The following SYNE2 variants were observed in gnomAD, a reference collection of about 807,000 sequenced individuals.
SYNE2 encodes the protein nesprin-2.
In SYNE2, 431 loss-of-function variants were observed where a neutral mutation model predicts 856.3. That is an observed-to-expected ratio of 0.50 (90% CI 0.47 to 0.55). The LOEUF is 0.55. Ranked by LOEUF, SYNE2 falls within the 20% of genes least tolerant of loss-of-function variation. The pLI is 0.00. For missense variants in SYNE2, 8,129 were observed against 8,023.2 expected, an observed-to-expected ratio of 1.01 and a Z score of -0.50; for synonymous variants, 2,923 against 2,872.3, an observed-to-expected ratio of 1.02 and a Z score of -0.56.
At chr14:63,944,106 AATT>A (rs2095974286) in intron 6 of SYNE2, among the ~76,000 whole-genome samples, 3 of 151,330 alleles carry the variant, frequency 2.0e-5, no homozygotes, top group Non-Finnish European at 2.9e-5. Flanking sequence ...TAGATAATAA[AATT>A]ATCTGTAATC....
rs111806886 is a variant in SYNE2, at chr14:63,777,495, A to G, written c.-305+15509A>G. On this transcript the variant is annotated intron_variant, in intron 1 of 23. Transcript: ENST00000674003. ...GGCTGCAGTGAGCAGCCTAGGTGAC[A>G]GAGCAAGACCCTGCCTCAAACAAAA... 1.3e-3 allele frequency among the ~76,000 whole-genome samples: 202 copies of G among 152,056 alleles called. 2 individuals are homozygous for G. Among genetic ancestry groups the G allele is most frequent in the African/African-American group, 4.6e-3 (191 of 41,568 alleles).
At position 64,109,251 on chromosome 14, in the gene SYNE2, A is replaced by G. The variant is rs188240367; in HGVS notation, c.12609+1644A>G. 2.6e-4 allele frequency among the ~76,000 whole-genome samples: 40 copies of G among 151,100 alleles called. No homozygotes were observed. The East Asian group carries it at 7.5e-3, about 28-fold the overall frequency. ...AACCTCTAGGGTCTTTTCCCTGGCC[A>G]TGTGGATACTAGATAATGATGACAA... On this transcript the variant is annotated intron_variant, in intron 65 of 115. Coordinates refer to ENST00000555002, the MANE Select transcript of SYNE2 (RefSeq NM_182914.3).
chr14:63,892,934 C>T (rs1302968890), intron 1 of SYNE2, among the ~76,000 whole-genome samples: 1 of 151,700 alleles, frequency 6.6e-6, no homozygotes, highest in Non-Finnish European at 1.5e-5. Flanking sequence ...AAGATGATCA[C>T]AACAAATACA....
In SYNE2 at chr14:63,797,560, GC is replaced by G. The variant is rs777303895; in HGVS notation, c.-305+35576del. On this transcript the variant is annotated intron_variant, in intron 1 of 23. Coordinates refer to the SYNE2 transcript ENST00000674003. Reference sequence around the variant, plus strand: ...GGGTTCAAGCAATTCTCCTGTCTCAGCCTTCTGAGTAGCTGGGATTACAGGC... The same window carrying G: ...GGGTTCAAGCAATTCTCCTGTCTCAGCTTCTGAGTAGCTGGGATTACAGGC... 1.3e-3 allele frequency among the ~76,000 whole-genome samples: 195 copies of G among 152,066 alleles called. 1 individual carries two copies. Among genetic ancestry groups the G allele is most frequent in the Admixed American group, 3.2e-3 (49 of 15,260 alleles).
At chr14:64,203,450 T>TG (rs1486467006) in intron 100 of SYNE2, among the ~76,000 whole-genome samples, 2 of 152,228 alleles carry the variant, frequency 1.3e-5, no homozygotes, top group African/African-American at 4.8e-5. Flanking sequence ...TGCAATGCTC[T>TG]GTGCATTTTT....
chr14:64,037,125 T>C (rs894506273), intron 45 of SYNE2, among the ~76,000 whole-genome samples: 8 of 151,012 alleles, frequency 5.3e-5, no homozygotes, highest in Admixed American at 1.3e-4. Flanking sequence ...ACAGAAATAC[T>C]GTCTCCTCTT....
At chr14:64,170,731 G>A (rs2098406718) in intron 94 of SYNE2, among the ~76,000 whole-genome samples, 1 of 151,952 alleles carries the variant, frequency 6.6e-6, no homozygotes, top group Admixed American at 6.6e-5. Context: ...GAATAAATTG[G>A]GGGAGGTTTA....
chr14:63,884,504 T>A (rs576220357), intron 1 of SYNE2, among the ~76,000 whole-genome samples: 70 of 152,256 alleles, frequency 4.6e-4, no homozygotes, highest in Non-Finnish European at 1.5e-5. Flanking sequence ...CATGGAGATG[T>A]GTCTGAGACA....
chr14:63,862,668 C>G (rs901459513), intron 1 of SYNE2, among the ~76,000 whole-genome samples: 2 of 152,016 alleles, frequency 1.3e-5, no homozygotes, highest in East Asian at 3.8e-4. Context: ...TACACGCATG[C>G]CCTGCCAAAA....
intron 1 of SYNE2, among the ~76,000 whole-genome samples, chr14:63,880,203 G>T (rs987583625): frequency 1.3e-5 from 2 of 152,130 alleles, no homozygotes; most frequent in African/African-American, 4.8e-5. Flanking sequence ...TGAGTCTCCT[G>T]CCTCAGCCTC....
intron 50 of SYNE2, among the ~76,000 whole-genome samples, chr14:64,063,710 A>G (rs2097335108): frequency 6.6e-6 from 1 of 152,230 alleles, no homozygotes; most frequent in Non-Finnish European, 1.5e-5. Context: ...TTCCCCAAAA[A>G]CAAAAGCGAA....
intron 2 of SYNE2, among the ~76,000 whole-genome samples, chr14:63,910,638 A>G (rs1415260232): frequency 6.6e-6 from 1 of 152,218 alleles, no homozygotes; most frequent in Non-Finnish European, 1.5e-5. Context: ...CAGATTTGTA[A>G]TGCTGGCTCT....
intron 1 of SYNE2, among the ~76,000 whole-genome samples, chr14:63,825,145 A>G (rs1415056788): frequency 6.6e-6 from 1 of 152,182 alleles, no homozygotes; most frequent in Non-Finnish European, 1.5e-5. Flanking sequence ...CTGATAAAGG[A>G]CATTGATGAA....
intron 99 of SYNE2, among the ~76,000 whole-genome samples, chr14:64,197,697 G>A (rs185624914): frequency 2.2e-4 from 34 of 152,244 alleles, no homozygotes; most frequent in Non-Finnish European, 4.3e-4. Flanking sequence ...CAGAGGATAG[G>A]ACTAAATGGT....
At chr14:63,817,339 T>A (rs1889032341) in intron 1 of SYNE2, among the ~76,000 whole-genome samples, 1 of 151,980 alleles carries the variant, frequency 6.6e-6, no homozygotes, top group Non-Finnish European at 1.5e-5. Flanking sequence ...CGGTGGCATG[T>A]GCCTGTAGTC....
rs1358930256 is a variant in SYNE2, at chr14:63,793,950, A to AG, written c.-305+31965dup. On this transcript the variant is annotated intron_variant, in intron 1 of 23. Transcript: ENST00000674003. ...TGAGACCCTGTCTTAAAAAAAAAAA[A>AG]GAAAAAAGAAAGTTGTTGTAAACTG... Among the ~76,000 whole-genome samples the AG allele has an allele frequency of 4.1e-5, 6 of 147,522 alleles. No homozygotes were observed. The South Asian group carries it at 8.8e-4, about 22-fold the overall frequency.
chr14:64,144,531 TTA>T (rs1203261249), intron 83 of SYNE2, among the ~76,000 whole-genome samples: 2 of 152,066 alleles, frequency 1.3e-5, no homozygotes, highest in Admixed American at 6.6e-5. Flanking sequence ...AAAGAGGAAA[TTA>T]TAGTTAGCAA....
rs544515675 is a variant in SYNE2 at position 63,803,408 on chromosome 14, C to T, written c.-305+41422C>T. ...CGGGCTGCAGGTCCCGAGCCCTGCCCCGCAGAAAGGCAGCTAAGGCTCGGT... is the reference window on the plus strand; with the variant it reads ...CGGGCTGCAGGTCCCGAGCCCTGCCTCGCAGAAAGGCAGCTAAGGCTCGGT... On this transcript the variant is annotated intron_variant, in intron 1 of 23. Coordinates refer to the SYNE2 transcript ENST00000674003. Among the ~76,000 whole-genome samples, 12 of 152,326 alleles carry T rather than the reference C, an allele frequency of 7.9e-5. No individual in the cohort carries two copies. The East Asian group carries it at 2.1e-3, about 27-fold the overall frequency.
chr14:63,764,158 G>A (rs1444338608), intron 1 of SYNE2, among the ~76,000 whole-genome samples: 1 of 152,120 alleles, frequency 6.6e-6, no homozygotes, highest in African/African-American at 2.4e-5. Context: ...ACTTAATCTG[G>A]GAATGTCTGG....
Sources: gnomAD v4.1 joint callset for allele counts (sites outside exome capture counted in the v4.1 genomes callset) on GRCh38, gnomAD v4.1.1 for gene constraint, MANE v1.5 for transcripts, NCBI Gene and HGNC (gene_info 2026-07-23, HGNC 2026-07-21) for gene names.